The following SAMSN1 variants were observed in gnomAD, a reference collection of about 807,000 sequenced individuals.
The protein encoded by SAMSN1 is SAM domain-containing protein SAMSN-1.
In SAMSN1, 31 loss-of-function variants were observed where a neutral mutation model predicts 42.0. The observed-to-expected ratio is 0.74, with a 90% CI of 0.55 to 1.00. SAMSN1 has a LOEUF of 1.00. Ranked by LOEUF, SAMSN1 falls within the 50% of genes least tolerant of loss-of-function variation. The pLI is 0.00. For synonymous variants in SAMSN1, 178 were observed against 151.9 expected, an observed-to-expected ratio of 1.17 and a Z score of -1.26; for missense variants, 464 against 439.4, an observed-to-expected ratio of 1.06 and a Z score of -0.50.
intron 2 of SAMSN1, among the ~76,000 whole-genome samples, chr21:14,616,319 A>C (rs1982837034): frequency 6.6e-6 from 1 of 152,172 alleles, no homozygotes; most frequent in Non-Finnish European, 1.5e-5. Context: ...AGTTTAAAAA[A>C]AAACAACAGG....
intron 1 of SAMSN1, among the ~76,000 whole-genome samples, chr21:14,644,383 C>A (rs1307858234): frequency 6.6e-6 from 1 of 151,998 alleles, no homozygotes; most frequent in African/African-American, 2.4e-5. Context: ...CCCTTCCGGG[C>A]CCTAGCTCCC....
At position 14,510,465 on chromosome 21, in the gene SAMSN1, A is replaced by G. The variant is rs1459950641; in HGVS notation, c.410-4T>C. ...TCTGAACAGCTTGTTATGCCACCTG[A>G]TGAAAGCAGAAGTTCACAGTTGTCA... On this transcript the variant is annotated splice_region_variant and splice_polypyrimidine_tract_variant and intron_variant, in intron 4 of 7. Transcript: ENST00000400566. 2.5e-6 allele frequency: 4 copies of G among 1,614,110 alleles called. No homozygotes were observed. In the Admixed American group the frequency reaches 6.7e-5, roughly 27 times the overall value.
intron 1 of SAMSN1, among the ~76,000 whole-genome samples, chr21:14,652,411 A>T (rs1312072731): frequency 6.6e-6 from 1 of 152,116 alleles, no homozygotes; most frequent in East Asian, 1.9e-4. Flanking sequence ...CTCATTTTTG[A>T]CAAAGATGTC....
At chr21:14,521,332 G>T in intron 1 of SAMSN1, 111 bp from the exon 2 acceptor site, 3 of 642,072 alleles carry the variant, frequency 4.7e-6, no homozygotes, top group South Asian at 2.2e-5. Flanking sequence ...GCAAATACAG[G>T]CTTTAAAAAG....
chr21:14,537,705 GT>G (rs200548299), intron 1 of SAMSN1, among the ~76,000 whole-genome samples: 23 of 150,990 alleles, frequency 1.5e-4, no homozygotes, highest in African/African-American at 3.4e-4. Context: ...CCAATCATCA[GT>G]TTTTTTTTTA....
chr21:14,551,274 T>G (rs564648792), upstream of SAMSN1, among the ~76,000 whole-genome samples: 1 of 152,202 alleles, frequency 6.6e-6, no homozygotes, highest in Non-Finnish European at 1.5e-5. Flanking sequence ...ATCTCAGTTA[T>G]AGAAGAAACA....
rs554195454 is a variant in SAMSN1, at chr21:14,625,727, C to T, written c.157-9711G>A. Among the ~76,000 whole-genome samples the T allele has an allele frequency of 3.3e-5, 5 of 152,264 alleles. No homozygotes were observed. In the South Asian group the frequency reaches 8.3e-4, roughly 25 times the overall value. On this transcript the variant is annotated intron_variant, in intron 2 of 15. Coordinates refer to the SAMSN1 transcript ENST00000647101. Reference sequence around the variant, plus strand: ...CCCAAAGTAATTTACAGATTCAATGCCATCCCCATCAAGCTACCAATGACT... The same window carrying T: ...CCCAAAGTAATTTACAGATTCAATGTCATCCCCATCAAGCTACCAATGACT...
At chr21:14,561,710 T>G (rs946391254) in intron 2 of SAMSN1, among the ~76,000 whole-genome samples, 6 of 152,208 alleles carry the variant, frequency 3.9e-5, no homozygotes, top group Non-Finnish European at 7.3e-5. Flanking sequence ...TTAGTTAAGA[T>G]GAGGTCATAT....
intron 5 of SAMSN1, among the ~76,000 whole-genome samples, chr21:14,504,054 G>C (rs1987294048): frequency 6.6e-6 from 1 of 152,122 alleles, no homozygotes; most frequent in Non-Finnish European, 1.5e-5. Context: ...GGAAGAGGGG[G>C]AGAGTACTAC....
intron 2 of SAMSN1, among the ~76,000 whole-genome samples, chr21:14,520,698 A>G (rs1005127524): frequency 6.6e-6 from 1 of 152,012 alleles, no homozygotes; most frequent in Non-Finnish European, 1.5e-5. Context: ...CCCTTTCCCA[A>G]CTGATTCTCT....
intron 2 of SAMSN1, among the ~76,000 whole-genome samples, chr21:14,625,653 T>C (rs142685679): frequency 6.6e-6 from 1 of 152,182 alleles, no homozygotes. Context: ...GGAAGATAAT[T>C]CCATGCTCAT....
intron 4 of SAMSN1, among the ~76,000 whole-genome samples, chr21:14,510,692 T>C (rs924693599): frequency 6.6e-6 from 1 of 152,154 alleles, no homozygotes; most frequent in African/African-American, 2.4e-5. Flanking sequence ...CCTCTATCAC[T>C]AACCCAAGTA....
chr21:14,503,570 G>A (rs773467265), intron 5 of SAMSN1, among the ~76,000 whole-genome samples: 6 of 152,182 alleles, frequency 3.9e-5, no homozygotes, highest in Admixed American at 6.5e-5. Flanking sequence ...GTGTTACACA[G>A]CAATAGAGAA....
chr21:14,594,238 T>C (rs910366290), intron 6 of SAMSN1, among the ~76,000 whole-genome samples: 14 of 152,324 alleles, frequency 9.2e-5, no homozygotes, highest in African/African-American at 3.4e-4. Context: ...TAATGTTTCA[T>C]CAGTGACTTC....
At chr21:14,566,261 A>G (rs1463343098) in intron 2 of SAMSN1, among the ~76,000 whole-genome samples, 1 of 152,204 alleles carries the variant, frequency 6.6e-6, no homozygotes, top group African/African-American at 2.4e-5. Context: ...GTGTTGCAAG[A>G]CCATCAGAAA....
At chr21:14,569,378 C>T (rs1249993661) in intron 2 of SAMSN1, among the ~76,000 whole-genome samples, 2 of 152,152 alleles carry the variant, frequency 1.3e-5, no homozygotes, top group Admixed American at 6.5e-5. Flanking sequence ...TAAATGAATT[C>T]ATTTTGGCCG....
chr21:14,488,129 A>G (rs972764765), intron 7 of SAMSN1, among the ~76,000 whole-genome samples: 1 of 152,040 alleles, frequency 6.6e-6, no homozygotes, highest in Non-Finnish European at 1.5e-5. Flanking sequence ...CCATTATCCA[A>G]GTGTTTCTAG....
upstream of SAMSN1, chr21:14,546,408 T>A (rs1980396206): frequency 1.5e-6 from 2 of 1,351,070 alleles, no homozygotes; most frequent in East Asian, 5.2e-5. Context: ...GGATATGACT[T>A]CAACATTTAC....
chr21:14,597,202 G>A (rs1349063524), intron 6 of SAMSN1, among the ~76,000 whole-genome samples: 1 of 151,914 alleles, frequency 6.6e-6, no homozygotes, highest in Non-Finnish European at 1.5e-5. Flanking sequence ...CCTAGTGAAA[G>A]ACCTGTCTCT....
Sources: gnomAD v4.1 joint callset for allele counts (sites outside exome capture counted in the v4.1 genomes callset) on GRCh38, gnomAD v4.1.1 for gene constraint, MANE v1.5 for transcripts, NCBI Gene and HGNC (gene_info 2026-07-23, HGNC 2026-07-21) for gene names.